The following FAM193B variants were observed in gnomAD, a reference collection of about 807,000 sequenced individuals.
FAM193B encodes family with sequence similarity 193 member B.
Under a neutral mutation model 70.7 loss-of-function variants are expected in FAM193B, and 27 were observed. The ratio of observed to expected loss-of-function variants is 0.38; its 90% CI spans 0.28 to 0.53. The LOEUF (loss-of-function observed/expected upper bound fraction) is 0.53, where lower values mean the gene tolerates loss of function less well. Ranked by LOEUF, FAM193B falls within the 20% of genes least tolerant of loss-of-function variation. The probability of loss-of-function intolerance (pLI) is 0.81; values close to 1 mark genes in which losing one functional copy is unlikely to be tolerated. For missense variants in FAM193B, 1,022 were observed against 1,072.5 expected (o/e 0.95, Z 0.66); for synonymous variants, 448 against 436.0 (o/e 1.03, Z -0.34).
At chr5:177,533,360 A>G (rs1275627240) in intron 4 of FAM193B, among the ~76,000 whole-genome samples, 1 of 149,556 alleles carries the variant, frequency 6.7e-6, no homozygotes, top group African/African-American at 2.5e-5. Context: ...GCTGGAGTGC[A>G]GTGGCATGAT....
Position 177,539,180 on chromosome 5 carries a change from AG to A in FAM193B, c.211-34del, listed in dbSNP as rs764998895. On this transcript the variant is annotated intron_variant, in intron 1 of 8. Transcript: ENST00000514747. ...ACAGACAGAAACAGGGTTTCCCAGGAGGGGAAAGGCTCTCCTTCAAAATAAT... is the reference window on the plus strand; with the variant it reads ...ACAGACAGAAACAGGGTTTCCCAGGAGGGAAAGGCTCTCCTTCAAAATAAT... 21 of 1,517,864 alleles carry A rather than the reference AG, an allele frequency of 1.4e-5. No homozygotes were observed. The East Asian group carries it at 5.2e-4, about 37-fold the overall frequency. 94.0% of individuals were successfully genotyped at this position (1,517,864 alleles called of 1,614,324 possible).
intron 4 of FAM193B, among the ~76,000 whole-genome samples, chr5:177,534,105 G>A (rs1763881678): frequency 6.6e-6 from 1 of 152,146 alleles, no homozygotes; most frequent in African/African-American, 2.4e-5. Flanking sequence ...GAGCAAGGAC[G>A]GAGCTCAAGG....
intron 4 of FAM193B, among the ~76,000 whole-genome samples, chr5:177,533,063 A>T (rs868163254): frequency 6.6e-6 from 1 of 152,226 alleles, no homozygotes; most frequent in Non-Finnish European, 1.5e-5. Context: ...AACCCTGCAC[A>T]CAGCAGGTGC....
intron 5 of FAM193B, among the ~76,000 whole-genome samples, chr5:177,530,121 G>C (rs376232424): frequency 3.9e-5 from 6 of 152,298 alleles, no homozygotes; most frequent in African/African-American, 1.4e-4. Flanking sequence ...GGCAGGTGAA[G>C]AGGTAAAGAA....
At chr5:177,541,925 A>T (rs946583999) in intron 1 of FAM193B, among the ~76,000 whole-genome samples, 1 of 152,228 alleles carries the variant, frequency 6.6e-6, no homozygotes, top group Non-Finnish European at 1.5e-5. Context: ...AATGCTATGT[A>T]AATAGCTGCT....
chr5:177,531,793 T>G (rs577896291), intron 5 of FAM193B: 1 of 912,818 alleles, frequency 1.1e-6, no homozygotes, highest in East Asian at 6.4e-5. Context: ...TGGGAAGCTG[T>G]ATGACCTTGG....
chr5:177,546,333 G>T (rs1765419728), intron 1 of FAM193B, among the ~76,000 whole-genome samples: 1 of 152,112 alleles, frequency 6.6e-6, no homozygotes, highest in African/African-American at 2.4e-5. Flanking sequence ...TAAATTCCTG[G>T]TAGAATGTGA....
At position 177,520,012 on chromosome 5, in the gene FAM193B, A is replaced by C. The variant is rs41275299; in HGVS notation, c.*171T>G. ...CCAGGAAGCGGCTCTGCTGAGGTCAAGGGGCCCCAGCACAGTGTGGCATCC... is the reference window on the plus strand; with the variant it reads ...CCAGGAAGCGGCTCTGCTGAGGTCACGGGGCCCCAGCACAGTGTGGCATCC... On this transcript the variant is annotated 3_prime_UTR_variant, in exon 9 of 9. Transcript: ENST00000514747. The C allele has an allele frequency of 5.1e-3, 771 of 152,570 alleles. 3 individuals carry two copies. The highest frequency in any genetic ancestry group is 7.5e-3 in the Non-Finnish European group (515 of 68,230). 9.5% of individuals were successfully genotyped at this position (152,570 alleles called of 1,614,324 possible).
intron 1 of FAM193B, chr5:177,539,492 C>A (rs576002006): frequency 2.1e-4 from 49 of 234,610 alleles, no homozygotes; most frequent in African/African-American, 1.1e-3. Flanking sequence ...GCCCTTCCCT[C>A]TCTGGCATGG....
intron 1 of FAM193B, among the ~76,000 whole-genome samples, chr5:177,547,843 G>A (rs1489114969): frequency 6.6e-6 from 1 of 152,180 alleles, no homozygotes; most frequent in Non-Finnish European, 1.5e-5. Flanking sequence ...GCCTTTGGTG[G>A]AGAATGAAGG....
intron 1 of FAM193B, chr5:177,551,949 G>A (rs1161851979): frequency 1.2e-6 from 1 of 838,566 alleles, no homozygotes; most frequent in African/African-American, 1.8e-5. Flanking sequence ...CGGTCAAAGT[G>A]GGGCATAACT....
In FAM193B at chr5:177,532,186, T is replaced by A. The variant is rs77949511; in HGVS notation, c.1275+257A>T. ...AGAATCATAGCTTTCTCTCTGCCAT[T>A]TCCTTTCCTTTTGCCTAAGGAAAAA... is the stretch of plus-strand genomic sequence containing the variant. On this transcript the variant is annotated intron_variant, in intron 5 of 8. Coordinates refer to ENST00000514747, the MANE Select transcript of FAM193B (RefSeq NM_001190946.3). This position sits in a 1 kb window ranked among gnomAD's most constrained non-coding sequence, Gnocchi z 4.9. 4,523 of 1,487,464 alleles carry A rather than the reference T, an allele frequency of 3.0e-3. 125 individuals carry two copies. The African/African-American group carries it at 0.057, about 19-fold the overall frequency. The allele number at this position is 1,487,464 out of a possible 1,614,324, so 92.1% of individuals were successfully genotyped here.
intron 4 of FAM193B, among the ~76,000 whole-genome samples, chr5:177,535,979 A>G (rs1764118717): frequency 6.7e-6 from 1 of 150,276 alleles, no homozygotes; most frequent in Non-Finnish European, 1.5e-5. Context: ...GGCATGATCA[A>G]TGCTCACAGC....
intron 5 of FAM193B, among the ~76,000 whole-genome samples, chr5:177,530,507 A>G (rs1217372704): frequency 1.3e-5 from 2 of 152,150 alleles, no homozygotes; most frequent in East Asian, 1.9e-4. Context: ...CTCTGGCCCC[A>G]CAATCAATCA....
At chr5:177,552,733 C>T (rs1218349609) in intron 1 of FAM193B, among the ~76,000 whole-genome samples, 2 of 152,176 alleles carry the variant, frequency 1.3e-5, no homozygotes, top group Non-Finnish European at 2.9e-5. Context: ...ACGGAAGTGT[C>T]AGCCTAGGAT....
chr5:177,537,342 A>T (rs1764292644), intron 3 of FAM193B, among the ~76,000 whole-genome samples: 1 of 152,214 alleles, frequency 6.6e-6, no homozygotes, highest in Admixed American at 6.5e-5. Context: ...ATAAACCAAT[A>T]ACCCAAGAGT....
At chr5:177,540,306 C>CAAA in intron 1 of FAM193B, among the ~76,000 whole-genome samples, 1 of 102,450 alleles carries the variant, frequency 9.8e-6, no homozygotes, top group South Asian at 3.2e-4. Context: ...GACTCCGTCT[C>CAAA]AAAAAAAAAA....
At chr5:177,522,409 C>T (rs1272501017) in intron 7 of FAM193B, among the ~76,000 whole-genome samples, 1 of 152,152 alleles carries the variant, frequency 6.6e-6, no homozygotes, top group African/African-American at 2.4e-5. Flanking sequence ...TACCCAGATA[C>T]CAAACTCTGC....
At chr5:177,531,534 G>A (rs1266111030) in intron 5 of FAM193B, 1 of 1,280,696 alleles carries the variant, frequency 7.8e-7, no homozygotes, top group Admixed American at 2.3e-5. Flanking sequence ...GGGGGTGGGG[G>A]GGAGGTGCTG....
Sources: gnomAD v4.1 joint callset for allele counts (sites outside exome capture counted in the v4.1 genomes callset) on GRCh38, gnomAD v4.1.1 for gene constraint, Gnocchi (gnomAD v3.1) non-coding constraint, MANE v1.5 for transcripts, NCBI Gene and HGNC (gene_info 2026-07-23, HGNC 2026-07-21) for gene names.